Variants in RFWD3 observed in about 807,000 individuals in gnomAD.
RFWD3 encodes E3 ubiquitin-protein ligase RFWD3.
In RFWD3, 65 loss-of-function variants were observed where a neutral mutation model predicts 87.7. That is an observed-to-expected ratio of 0.74 (90% confidence interval 0.61 to 0.91). RFWD3 has a LOEUF of 0.91. Ranked by LOEUF, RFWD3 falls within the 40% of genes least tolerant of loss-of-function variation. The probability of loss-of-function intolerance (pLI) is 0.00; values close to 1 mark genes in which losing one functional copy is unlikely to be tolerated. For synonymous variants in RFWD3, 433 were observed against 352.8 expected, an observed-to-expected ratio of 1.23 and a Z score of -2.55; for missense variants, 1,078 against 938.5, an observed-to-expected ratio of 1.15 and a Z score of -1.94.
intron 4 of RFWD3, among the ~76,000 whole-genome samples, chr16:74,647,295 A>T (rs1049911993): frequency 5.4e-5 from 8 of 149,510 alleles, no homozygotes; most frequent in South Asian, 2.1e-4. Flanking sequence ...TGTTATTTTT[A>T]TTTTTTTTTT....
chr16:74,651,354 A>C (rs987700140), intron 3 of RFWD3, among the ~76,000 whole-genome samples: 1 of 152,188 alleles, frequency 6.6e-6, no homozygotes, highest in African/African-American at 2.4e-5. Flanking sequence ...GCAGTGGCTC[A>C]TGTCTGTAAT....
rs1184458444 is a variant in RFWD3, at chr16:74,644,731, G to C, written c.797C>G (p.Ser266Cys). ...TAGCAGAGGCTCAGACTTCTGGGGA[G>C]ATGGCTAGATGGAAAGCAGAATATA... ...DGGKTLPKQPSPQKSEPLLPS... is the reference protein window; with the variant it reads ...DGGKTLPKQPCPQKSEPLLPS... Residue 266 changes from serine to cysteine, a missense_variant, in exon 5 of 13, where the codon TCT becomes TGT. Transcript: ENST00000361070. 11 of 1,605,524 alleles carry C rather than the reference G, an allele frequency of 6.9e-6. No homozygotes were observed. Among genetic ancestry groups the C allele is most frequent in the Non-Finnish European group, 9.4e-6 (11 of 1,174,112 alleles).
At chr16:74,635,393 G>C (rs1215809509) in intron 8 of RFWD3, among the ~76,000 whole-genome samples, 1 of 152,084 alleles carries the variant, frequency 6.6e-6, no homozygotes, top group Non-Finnish European at 1.5e-5. Context: ...CTTGAATCCA[G>C]GAGGCAGAGG....
In RFWD3 at chr16:74,636,714, G is replaced by C. The variant is rs188164291; in HGVS notation, c.1195-137C>G. On this transcript the variant is annotated intron_variant, in intron 7 of 12. Coordinates refer to ENST00000361070, the MANE Select transcript of RFWD3 (RefSeq NM_018124.4). ...AACATGAATCCTAGAGAACTGCAGA[G>C]TTTTTGTTTTTTTTTTTAAGACGGA... 1.7e-3 allele frequency: 1,177 copies of C among 698,148 alleles called. 15 individuals carry two copies. In the Admixed American group the frequency reaches 0.024, roughly 14 times the overall value. The allele number at this position is 698,148 out of a possible 1,614,324, so 43.2% of individuals were successfully genotyped here. A position where few individuals can be genotyped will look rare whatever the true frequency, so the allele number is the denominator to read the frequency against.
At position 74,661,330 on chromosome 16, in the gene RFWD3, A is replaced by AG; in HGVS notation, c.119dup (p.Ala41CysfsTer2). 6.2e-7 allele frequency: 1 copy of AG among 1,613,980 alleles called. No homozygotes were observed. The highest frequency in any genetic ancestry group is 1.3e-5 in the African/African-American group (1 of 75,014). The stretch of plus-strand genomic sequence containing the variant: ...CCCCCTGGCTGCTGACCACATCAGC[A>AG]GGAACAGGCTGGAGGAGGGCTGGTC... On this transcript the variant is annotated frameshift_variant, in exon 2 of 13. Coordinates refer to ENST00000361070, the MANE Select transcript of RFWD3 (RefSeq NM_018124.4). LOFTEE classifies it high-confidence loss of function.
intron 8 of RFWD3, among the ~76,000 whole-genome samples, chr16:74,634,065 G>A (rs759459724): frequency 7.2e-5 from 11 of 151,940 alleles, no homozygotes; most frequent in Admixed American, 1.3e-4. Context: ...TCATCAAATT[G>A]TATACTTTAA....
chr16:74,648,339 G>C (rs1405371664), intron 4 of RFWD3, among the ~76,000 whole-genome samples: 1 of 151,592 alleles, frequency 6.6e-6, no homozygotes. Context: ...ACTTTGGTTA[G>C]AGACTAGGTT....
At chr16:74,637,760 C>G (rs1959267629) in intron 7 of RFWD3, 96 bp downstream of exon 7, 4 of 880,972 alleles carry the variant, frequency 4.5e-6, no homozygotes, top group Non-Finnish European at 7.2e-6. Context: ...AACAACTTGG[C>G]AAATCCTATT....
intron 6 of RFWD3, among the ~76,000 whole-genome samples, chr16:74,638,319 G>A (rs772544946): frequency 6.6e-6 from 1 of 152,034 alleles, no homozygotes; most frequent in African/African-American, 2.4e-5. Context: ...GTAAGCTGTT[G>A]GTTGTTCATG....
intron 6 of RFWD3, among the ~76,000 whole-genome samples, chr16:74,640,981 T>C (rs1242250293): frequency 6.6e-6 from 1 of 151,686 alleles, no homozygotes; most frequent in Non-Finnish European, 1.5e-5. Context: ...ATGAGAAATC[T>C]CTCCTTTTTT....
chr16:74,638,627 G>A (rs1424946256), intron 6 of RFWD3, among the ~76,000 whole-genome samples: 1 of 152,144 alleles, frequency 6.6e-6, no homozygotes, highest in African/African-American at 2.4e-5. Context: ...TAATTTTTAT[G>A]GCAAATTTAA....
At chr16:74,665,756 C>T (rs74397590) in intron 1 of RFWD3, among the ~76,000 whole-genome samples, 101,861 of 147,086 alleles carry the variant, frequency 0.69, 34,614 homozygotes, top group East Asian at 0.8. Flanking sequence ...TTCTTTCTTT[C>T]TTTTTTTGAG....
chr16:74,628,554 C>A lies in RFWD3; in HGVS notation c.1867G>T (p.Asp623Tyr). 1 of 1,614,162 alleles carries A rather than the reference C, an allele frequency of 6.2e-7. No homozygotes were observed. The highest frequency in any genetic ancestry group is 2.2e-5 in the East Asian group (1 of 44,876). The change falls in exon 11 of 13, where the codon GAC becomes TAC. Residue 623 changes from aspartate (D) to tyrosine (Y), a missense_variant. Transcript: ENST00000361070. ...AGCACATGAGGCCAATGAGAAAAGTCCATTTTCTGTTCCCAGAATGAAGCA... is the reference window on the plus strand; with the variant it reads ...AGCACATGAGGCCAATGAGAAAAGTACATTTTCTGTTCCCAGAATGAAGCA... ...EDASFWEQKM[D>Y]FSHWPHVLPL...
chr16:74,635,162 C>A (rs992677564), intron 8 of RFWD3, among the ~76,000 whole-genome samples: 1 of 152,010 alleles, frequency 6.6e-6, no homozygotes, highest in African/African-American at 2.4e-5. Flanking sequence ...CGCCTGTAGT[C>A]CCAGCTACTC....
chr16:74,625,906 C>G (rs1958917888), intron 12 of RFWD3, among the ~76,000 whole-genome samples: 1 of 152,218 alleles, frequency 6.6e-6, no homozygotes, highest in Non-Finnish European at 1.5e-5. Flanking sequence ...AACATCTCAG[C>G]TGGGTGCAAT....
intron 12 of RFWD3, among the ~76,000 whole-genome samples, chr16:74,625,383 T>G (rs1958900057): frequency 6.6e-6 from 1 of 151,040 alleles, no homozygotes; most frequent in Non-Finnish European, 1.5e-5. Flanking sequence ...TAGCCGGGTA[T>G]GGTTGGTGTG....
rs1308943204 is a variant in RFWD3 at position 74,651,790 on chromosome 16, A to T, written c.721+130T>A. 5 of 790,460 alleles carry T rather than the reference A, an allele frequency of 6.3e-6. No individual in the cohort carries two copies. In the East Asian group the frequency reaches 1.2e-4, roughly 19 times the overall value. The allele number at this position is 790,460 out of a possible 1,614,324, so 49.0% of individuals were successfully genotyped here. ...ATGGCCAGTGAAGGCTCTATACTAT[A>T]AAACAGGAATCCACAACATTTAGGG... On this transcript the variant is annotated intron_variant, in intron 3 of 12. Coordinates refer to ENST00000361070, the MANE Select transcript of RFWD3 (RefSeq NM_018124.4).
intron 6 of RFWD3, among the ~76,000 whole-genome samples, chr16:74,639,271 C>G (rs994443456): frequency 3.3e-5 from 5 of 152,114 alleles, no homozygotes; most frequent in African/African-American, 1.2e-4. Flanking sequence ...CTCCTGGCCT[C>G]AAGTGATCCA....
Position 74,632,578 on chromosome 16 carries a change from A to G in RFWD3, c.1522T>C (p.Tyr508His). 1.9e-6 allele frequency: 3 copies of G among 1,614,174 alleles called. No homozygotes were observed. The highest frequency in any genetic ancestry group is 1.7e-5 in the Admixed American group (1 of 60,028). The change falls in exon 9 of 13, where the codon TAC becomes CAC. Residue 508 changes from tyrosine to histidine, a missense_variant. Transcript: ENST00000361070. ...KQIRGLAFSS[Y>H]LRGLLLSASL... ...GCAGAGAGTAGCAAGCCTCTGAGGT[A>G]ACTGCTAAACGCCAGTCCACGGATC...
Sources: gnomAD v4.1 joint callset for allele counts (sites outside exome capture counted in the v4.1 genomes callset) on GRCh38, gnomAD v4.1.1 for gene constraint, MANE v1.5 for transcripts, NCBI Gene and HGNC (gene_info 2026-07-23, HGNC 2026-07-21) for gene names.